The following GRK5 variants were observed in gnomAD, a reference collection of about 807,000 sequenced individuals.
GRK5 encodes G protein-coupled receptor kinase 5.
In GRK5, 40 loss-of-function variants were observed where a neutral mutation model predicts 78.4. The observed-to-expected ratio is 0.51, with a 90% CI of 0.40 to 0.66. The LOEUF is 0.66. Ranked by LOEUF, GRK5 falls within the 30% of genes least tolerant of loss-of-function variation. The pLI is 0.00. For missense variants in GRK5, 598 were observed against 759.9 expected, an observed-to-expected ratio of 0.79 and a Z score of 2.50; for synonymous variants, 289 against 296.8, an observed-to-expected ratio of 0.97 and a Z score of 0.27.
intron 1 of GRK5, among the ~76,000 whole-genome samples, chr10:119,306,053 G>T (rs73445472): frequency 0.011 from 1,651 of 152,262 alleles, 39 homozygotes; most frequent in African/African-American, 0.037. Context: ...AGTCCTGGGT[G>T]TCAGCTGGAG....
chr10:119,396,214 G>A (rs1346089508), intron 3 of GRK5, among the ~76,000 whole-genome samples: 1 of 152,240 alleles, frequency 6.6e-6, no homozygotes, highest in Non-Finnish European at 1.5e-5. Context: ...GAAGGGTTAA[G>A]CAAATTGTCT....
intron 4 of GRK5, among the ~76,000 whole-genome samples, chr10:119,407,201 T>G (rs1358828563): frequency 1.3e-5 from 2 of 152,232 alleles, no homozygotes. Flanking sequence ...TAGGGTTCTG[T>G]GGATCCCAGT....
At chr10:119,291,026 G>A (rs1213477152) in intron 1 of GRK5, among the ~76,000 whole-genome samples, 2 of 152,124 alleles carry the variant, frequency 1.3e-5, no homozygotes, top group Non-Finnish European at 2.9e-5. Context: ...TTCTGTAGTG[G>A]TGGCTTTGCA....
intron 1 of GRK5, among the ~76,000 whole-genome samples, chr10:119,314,453 C>T (rs545570744): frequency 6.1e-4 from 93 of 152,328 alleles, no homozygotes; most frequent in Non-Finnish European, 9.8e-4. Flanking sequence ...GTGCCAGCCG[C>T]GGAATGCACC....
intron 2 of GRK5, among the ~76,000 whole-genome samples, chr10:119,373,754 G>C (rs1237279510): frequency 6.6e-6 from 1 of 152,208 alleles, no homozygotes; most frequent in Non-Finnish European, 1.5e-5. Flanking sequence ...CGCACATGCT[G>C]TTGGGGAAAT....
At chr10:119,241,682 C>T (rs544959763) in intron 1 of GRK5, among the ~76,000 whole-genome samples, 3 of 152,274 alleles carry the variant, frequency 2.0e-5, no homozygotes, top group South Asian at 2.1e-4. Context: ...TGGTCTTTGC[C>T]TTGATTGTGG....
At chr10:119,273,285 C>T (rs1237169206) in intron 1 of GRK5, among the ~76,000 whole-genome samples, 4 of 151,966 alleles carry the variant, frequency 2.6e-5, no homozygotes, top group African/African-American at 9.7e-5. Flanking sequence ...CTGGTGGTGT[C>T]GGGGGTTGTG....
rs767178858 is a variant in GRK5, at chr10:119,333,732, A to G, written c.148+7121A>G. 19 of 530,224 alleles carry G rather than the reference A, an allele frequency of 3.6e-5. No homozygotes were observed. In the Admixed American group the frequency reaches 3.7e-4, roughly 10 times the overall value. The allele number at this position is 530,224 out of a possible 1,614,324, so 32.8% of individuals were successfully genotyped here. Reference sequence around the variant, plus strand: ...GCGAGTTCCTCTGCTTATTCAATGCATGTTTAGTGAGCACTGAAAACATGC... The same window carrying G: ...GCGAGTTCCTCTGCTTATTCAATGCGTGTTTAGTGAGCACTGAAAACATGC... On this transcript the variant is annotated intron_variant, in intron 2 of 15. Transcript: ENST00000392870.
chr10:119,258,922 G>A (rs893192716), intron 1 of GRK5, among the ~76,000 whole-genome samples: 4 of 152,222 alleles, frequency 2.6e-5, no homozygotes, highest in South Asian at 2.1e-4. Context: ...CTTCTCAGGA[G>A]AGCTGGCTTT....
intron 1 of GRK5, among the ~76,000 whole-genome samples, chr10:119,303,565 C>T (rs116434450): frequency 0.01 from 1,536 of 152,192 alleles, 29 homozygotes; most frequent in African/African-American, 0.035. Context: ...GGGGGAGTCA[C>T]GGGAGGCATT....
chr10:119,247,745 C>T (rs192504740), intron 1 of GRK5, among the ~76,000 whole-genome samples: 2 of 152,194 alleles, frequency 1.3e-5, no homozygotes, highest in Admixed American at 6.5e-5. Context: ...GGAAACTGCT[C>T]AGAGAGCTCA....
chr10:119,343,591 G>A (rs940329834), intron 2 of GRK5, among the ~76,000 whole-genome samples: 9 of 152,322 alleles, frequency 5.9e-5, no homozygotes, highest in African/African-American at 1.4e-4. Context: ...TGGCTTCCCC[G>A]TGGACGTGGA....
chr10:119,359,053 A>G (rs981686874), intron 2 of GRK5, among the ~76,000 whole-genome samples: 4 of 152,104 alleles, frequency 2.6e-5, no homozygotes, highest in Admixed American at 1.3e-4. Context: ...GGGCTTCAAC[A>G]TATGAATTTG....
At chr10:119,214,825 CTG>C (rs1358411824) in intron 1 of GRK5, among the ~76,000 whole-genome samples, 1 of 152,200 alleles carries the variant, frequency 6.6e-6, no homozygotes, top group Non-Finnish European at 1.5e-5. Context: ...CCGGCCAACA[CTG>C]TTTTTATGAA....
intron 1 of GRK5, among the ~76,000 whole-genome samples, chr10:119,301,104 A>C (rs887671981): frequency 4.6e-5 from 7 of 151,888 alleles, no homozygotes; most frequent in Admixed American, 4.6e-4. Context: ...ACTCAGTCCC[A>C]AAAGAAAAAA....
At chr10:119,359,073 C>T (rs1023537403) in intron 2 of GRK5, among the ~76,000 whole-genome samples, 5 of 152,302 alleles carry the variant, frequency 3.3e-5, no homozygotes, top group African/African-American at 9.6e-5. Flanking sequence ...GGGGACAACA[C>T]AGTTCAGTTC....
intron 1 of GRK5, among the ~76,000 whole-genome samples, chr10:119,317,369 TGTG>T (rs1850506867): frequency 6.6e-6 from 1 of 151,786 alleles, no homozygotes; most frequent in African/African-American, 2.4e-5. Flanking sequence ...TGTGTGTGTG[TGTG>T]TGTGTGTGTG....
chr10:119,304,947 C>A (rs1469387418), intron 1 of GRK5, among the ~76,000 whole-genome samples: 1 of 152,138 alleles, frequency 6.6e-6, no homozygotes, highest in Non-Finnish European at 1.5e-5. Context: ...CTTCCTTCTT[C>A]CCTACCTGTT....
chr10:119,234,458 G>A (rs1158503919), intron 1 of GRK5, among the ~76,000 whole-genome samples: 3 of 152,226 alleles, frequency 2.0e-5, no homozygotes, highest in African/African-American at 4.8e-5. Context: ...CTGAGGCACA[G>A]AAGACTTAGG....
Sources: allele counts gnomAD v4.1 joint callset (sites outside exome capture counted in the v4.1 genomes callset), GRCh38; gene constraint gnomAD v4.1.1; transcripts MANE v1.5; gene names NCBI Gene and HGNC (gene_info 2026-07-23, HGNC 2026-07-21).